GUCY1A1: variants seen among roughly 807,000 people sequenced by gnomAD.
The protein encoded by GUCY1A1 is guanylate cyclase soluble subunit alpha-1.
GUCY1A1 carries 48 observed loss-of-function variants against 64.5 expected under a neutral mutation model. That is an observed-to-expected ratio of 0.74 (90% CI 0.59 to 0.95). The LOEUF is 0.95. Among genes scored for constraint, GUCY1A1 ranks in the 40% least tolerant of loss-of-function variants. The probability of loss-of-function intolerance (pLI) is 0.00; values close to 1 mark genes in which losing one functional copy is unlikely to be tolerated. For synonymous variants in GUCY1A1, 308 were observed against 303.4 expected (o/e 1.02, Z -0.16); for missense variants, 804 against 825.3 (o/e 0.97, Z 0.32).
At chr4:155,725,629 A>G (rs1734560610) in intron 9 of GUCY1A1, among the ~76,000 whole-genome samples, 1 of 152,054 alleles carries the variant, frequency 6.6e-6, no homozygotes, top group Non-Finnish European at 1.5e-5. Context: ...ATGAAACTAA[A>G]CTTTTTAAAT....
chr4:155,710,373 A>T (rs1033778885), intron 5 of GUCY1A1, among the ~76,000 whole-genome samples, 169 bp from the exon 6 acceptor site: 3 of 152,208 alleles, frequency 2.0e-5, no homozygotes, highest in African/African-American at 7.2e-5. Context: ...TTAGAAGCTA[A>T]CCTAGGTAGA....
chr4:155,681,460 TTATCAC>T (rs1189980209), intron 2 of GUCY1A1, among the ~76,000 whole-genome samples: 1 of 152,186 alleles, frequency 6.6e-6, no homozygotes, highest in Non-Finnish European at 1.5e-5. Flanking sequence ...GTGTAGTACT[TTATCAC>T]TATAACTCCT....
At chr4:155,718,690 C>G (rs2126918270) in intron 8 of GUCY1A1, among the ~76,000 whole-genome samples, 1 of 152,112 alleles carries the variant, frequency 6.6e-6, no homozygotes, top group African/African-American at 2.4e-5. Flanking sequence ...ACATGTGATG[C>G]CCTAATATGT....
In GUCY1A1 at chr4:155,718,241, G is replaced by A. The variant is rs1002955005; in HGVS notation, c.1716+939G>A. ...GGTATTGTAAAATCTTATCCGGTAT[G>A]CTATAAAACATATAGAGAAGAAAGA... On this transcript the variant is annotated intron_variant, in intron 8 of 9. Coordinates refer to ENST00000506455, the MANE Select transcript of GUCY1A1 (RefSeq NM_001130682.3). Among the ~76,000 whole-genome samples, 4 of 152,104 alleles carry A rather than the reference G, an allele frequency of 2.6e-5. No homozygotes were observed. In the East Asian group the frequency reaches 7.7e-4, roughly 29 times the overall value.
intron 2 of GUCY1A1, among the ~76,000 whole-genome samples, chr4:155,683,441 G>C (rs1021899680): frequency 6.6e-6 from 1 of 152,208 alleles, no homozygotes; most frequent in Non-Finnish European, 1.5e-5. Context: ...CTCAGAGCCA[G>C]TAGTTCTTTC....
Position 155,734,830 on chromosome 4 carries a change from T to TA in GUCY1A1, c.*4600dup, listed in dbSNP as rs2110854451. 1 of 152,104 alleles carries TA rather than the reference T, an allele frequency of 6.6e-6. No homozygotes were observed. The highest frequency in any genetic ancestry group is 6.6e-5 in the Admixed American group (1 of 15,246). 9.4% of individuals were successfully genotyped at this position (152,104 alleles called of 1,614,324 possible). ...GTCATTTTCAACCAAAATTGAGTGTTAGAGTTTATGGTCTCTGTTATGATA... is the reference window on the plus strand; with the variant it reads ...GTCATTTTCAACCAAAATTGAGTGTTAAGAGTTTATGGTCTCTGTTATGATA... On this transcript the variant is annotated 3_prime_UTR_variant, in exon 10 of 10. Coordinates refer to ENST00000506455, the MANE Select transcript of GUCY1A1 (RefSeq NM_001130682.3).
At chr4:155,672,498 T>TG (rs1734283205) in intron 2 of GUCY1A1, among the ~76,000 whole-genome samples, 1 of 152,180 alleles carries the variant, frequency 6.6e-6, no homozygotes, top group African/African-American at 2.4e-5. Flanking sequence ...GAGACAGACT[T>TG]GGTCAAATTC....
intron 2 of GUCY1A1, among the ~76,000 whole-genome samples, chr4:155,679,967 T>G (rs1735502543): frequency 6.6e-6 from 1 of 152,200 alleles, no homozygotes; most frequent in Non-Finnish European, 1.5e-5. Flanking sequence ...TACTTTAACT[T>G]TTTAAGTTTT....
rs1338264967 is a variant in GUCY1A1 at position 155,708,257 on chromosome 4, C to G, written c.339C>G (p.Asp113Glu). ...CCAGGAAATCTTTGGAAAGAGAAGA[C>G]TTTGAAAAAACAATTGCAGAGCAAG... ...KESRKSLERE[D>E]FEKTIAEQAV... The change falls in exon 5 of 10, where the codon GAC becomes GAG. Residue 113 changes from aspartate to glutamate, a missense_variant. Coordinates refer to ENST00000506455, the MANE Select transcript of GUCY1A1 (RefSeq NM_001130682.3). The G allele has an allele frequency of 5.8e-6, 9 of 1,543,560 alleles. No homozygotes were observed. Among genetic ancestry groups the G allele is most frequent in the Non-Finnish European group, 8.1e-6 (9 of 1,117,404 alleles).
chr4:155,734,239 C>A lies in GUCY1A1; in HGVS notation c.*4008C>A, dbSNP rs1257633419. On this transcript the variant is annotated 3_prime_UTR_variant, in exon 10 of 10. Coordinates refer to ENST00000506455, the MANE Select transcript of GUCY1A1 (RefSeq NM_001130682.3). ...TAGTGCCTGAGGAATAGACATCAGT[C>A]CTCTGAGATTACCCAGCTGGAAAAC... is the stretch of plus-strand genomic sequence containing the variant. 2.6e-5 allele frequency among the ~76,000 whole-genome samples: 4 copies of A among 151,816 alleles called. No homozygotes were observed. In the East Asian group the frequency reaches 7.8e-4, roughly 30 times the overall value.
intron 5 of GUCY1A1, among the ~76,000 whole-genome samples, chr4:155,708,820 G>GC (rs1386504334): frequency 6.6e-6 from 1 of 151,878 alleles, no homozygotes; most frequent in Admixed American, 6.6e-5. Context: ...GTATATTGAG[G>GC]CCCCCCTAGG....
intron 2 of GUCY1A1, among the ~76,000 whole-genome samples, chr4:155,690,306 A>G (rs1053564004): frequency 1.3e-5 from 2 of 152,024 alleles, no homozygotes; most frequent in African/African-American, 2.4e-5. Context: ...AGGCCTGCGG[A>G]TTCTCTCTCA....
At chr4:155,670,427 C>G (rs1015422498) in intron 2 of GUCY1A1, among the ~76,000 whole-genome samples, 1 of 152,156 alleles carries the variant, frequency 6.6e-6, no homozygotes, top group Non-Finnish European at 1.5e-5. Flanking sequence ...TCCTGGCTAT[C>G]CTGAATCATA....
At chr4:155,667,853 G>A (rs534076521) in intron 2 of GUCY1A1, 1 of 152,356 alleles carries the variant, frequency 6.6e-6, no homozygotes, top group Non-Finnish European at 1.5e-5. Flanking sequence ...GCAGCTGGGG[G>A]ATGCCTGGAC....
Position 155,730,189 on chromosome 4 carries a change from T to G in GUCY1A1, c.2031T>G (p.Asp677Glu), listed in dbSNP as rs747007547. Reference sequence around the variant, plus strand: ...GCTTCCAAAAGAAAGATGTGGAAGATGGCAATGCCAATTTTTTAGGCAAAG... The same window carrying G: ...GCTTCCAAAAGAAAGATGTGGAAGAGGGCAATGCCAATTTTTTAGGCAAAG... ...KPCFQKKDVE[D>E]GNANFLGKAS... The change falls in exon 10 of 10, where the codon GAT becomes GAG. Residue 677 changes from aspartate (D) to glutamate (E), a missense_variant. Asp to Glu is a conservative substitution (Grantham distance 45, BLOSUM62 2). Transcript: ENST00000506455. 1.2e-6 allele frequency: 2 copies of G among 1,611,242 alleles called. No homozygotes were observed. Among genetic ancestry groups the G allele is most frequent in the African/African-American group, 2.7e-5 (2 of 74,756 alleles).
chr4:155,704,724 AT>A (rs955049830), intron 4 of GUCY1A1, among the ~76,000 whole-genome samples: 169 of 148,094 alleles, frequency 1.1e-3, no homozygotes, highest in African/African-American at 3.9e-3. Flanking sequence ...TTTATTTTTT[AT>A]TTTTTTTTTA....
At chr4:155,728,838 C>T (rs954702741) in intron 9 of GUCY1A1, among the ~76,000 whole-genome samples, 2 of 151,842 alleles carry the variant, frequency 1.3e-5, no homozygotes, top group Non-Finnish European at 2.9e-5. Context: ...TAATGGACAT[C>T]TGTGCTGCTA....
rs997454224 is a variant in GUCY1A1 at position 155,730,876 on chromosome 4, C to A, written c.*645C>A. 4.6e-5 allele frequency: 7 copies of A among 153,098 alleles called. No individual in the cohort carries two copies. Among genetic ancestry groups the A allele is most frequent in the Admixed American group, 2.0e-4 (3 of 15,196 alleles). The allele number at this position is 153,098 out of a possible 1,614,324, so 9.5% of individuals were successfully genotyped here. A position where few individuals can be genotyped will look rare whatever the true frequency, so the allele number is the denominator to read the frequency against. ...TTTTTAGTTCTGGAAGTTAAAAATACTCTCCATAGTAACGTGTGTTATAAT... is the reference window on the plus strand; with the variant it reads ...TTTTTAGTTCTGGAAGTTAAAAATAATCTCCATAGTAACGTGTGTTATAAT... On this transcript the variant is annotated 3_prime_UTR_variant, in exon 10 of 10. Transcript: ENST00000506455.
chr4:155,709,525 CAG>C (rs1369112463), intron 5 of GUCY1A1, among the ~76,000 whole-genome samples: 1 of 152,094 alleles, frequency 6.6e-6, no homozygotes, highest in Non-Finnish European at 1.5e-5. Flanking sequence ...AACAAGTAAA[CAG>C]AAAGTACTAA....
Sources: allele counts gnomAD v4.1 joint callset (sites outside exome capture counted in the v4.1 genomes callset), GRCh38; gene constraint gnomAD v4.1.1; transcripts MANE v1.5; gene names NCBI Gene and HGNC (gene_info 2026-07-23, HGNC 2026-07-21).